TTC4: variants seen among roughly 807,000 people sequenced by gnomAD.
TTC4 encodes hsp70/Hsp90 co-chaperone CNS1 homolog.
TTC4 carries 36 observed loss-of-function variants against 51.9 expected under a neutral mutation model. The ratio of observed to expected loss-of-function variants is 0.69; its 90% CI spans 0.53 to 0.92. TTC4 has a LOEUF of 0.92. TTC4 is among the 40% of genes least tolerant of loss of function. The probability of loss-of-function intolerance (pLI) is 0.00; values close to 1 mark genes in which losing one functional copy is unlikely to be tolerated. For synonymous variants in TTC4, 144 were observed against 164.2 expected (o/e 0.88, Z 0.94); for missense variants, 399 against 454.6 (o/e 0.88, Z 1.11).
chr1:54,737,307 G>A, intron 8 of TTC4: 1 of 374,050 alleles, frequency 2.7e-6, no homozygotes, highest in South Asian at 3.1e-5. Context: ...CTGGCCTTGA[G>A]TCTTGATTCT....
chr1:54,730,654 C>CT (rs1482054140), intron 6 of TTC4, among the ~76,000 whole-genome samples: 2 of 152,188 alleles, frequency 1.3e-5, no homozygotes, highest in Non-Finnish European at 2.9e-5. Flanking sequence ...TTAGGCACCC[C>CT]TGCACACTTA....
chr1:54,726,361 A>G (rs958367187), intron 5 of TTC4, among the ~76,000 whole-genome samples: 3 of 152,242 alleles, frequency 2.0e-5, no homozygotes, highest in African/African-American at 7.2e-5. Flanking sequence ...TAGCAAATCT[A>G]TTCTTCAAAA....
intron 2 of TTC4, 123 bp downstream of exon 2, chr1:54,716,840 C>A: frequency 1.3e-6 from 1 of 745,924 alleles, no homozygotes; most frequent in Non-Finnish European, 2.1e-6. Flanking sequence ...TTATTCATTC[C>A]AATATACTTC....
At chr1:54,716,281 C>T (rs1486425530) in intron 1 of TTC4, 6 of 542,444 alleles carry the variant, frequency 1.1e-5, no homozygotes, top group Non-Finnish European at 2.0e-5. Context: ...GAGTCCGTTT[C>T]CTCATCTGTA....
At chr1:54,721,549 C>T (rs1645743731) in intron 4 of TTC4, among the ~76,000 whole-genome samples, 1 of 152,072 alleles carries the variant, frequency 6.6e-6, no homozygotes, top group South Asian at 2.1e-4. Flanking sequence ...CTTCAAATGC[C>T]ATGTTAATGT....
intron 6 of TTC4, among the ~76,000 whole-genome samples, chr1:54,731,134 G>T (rs544331294): frequency 9.1e-4 from 139 of 152,234 alleles, no homozygotes; most frequent in Non-Finnish European, 1.5e-3. Context: ...GAGTTAAGTG[G>T]TACCTACTAT....
At chr1:54,726,348 A>G (rs1456534786) in intron 5 of TTC4, among the ~76,000 whole-genome samples, 1 of 152,248 alleles carries the variant, frequency 6.6e-6, no homozygotes, top group Admixed American at 6.5e-5. Context: ...AGAATTCTAT[A>G]TCTAGCAAAT....
rs1257632460 is a variant in TTC4 at position 54,717,568 on chromosome 1, C to T, written c.306C>T (p.Tyr102=). The change falls in exon 3 of 10, where the codon TAC becomes TAT. Residue 102 remains tyrosine, a synonymous_variant. Coordinates refer to ENST00000371281, the MANE Select transcript of TTC4 (RefSeq NM_004623.5). ...ACTACAAGAAAGCTGTAATTTCATACACTGAAGGCTTAAAGAAGAAATGTG... is the reference window on the plus strand; with the variant it reads ...ACTACAAGAAAGCTGTAATTTCATATACTGAAGGCTTAAAGAAGAAATGTG... ...EKDYKKAVIS[Y]TEGLKKKCAD... 3 of 1,611,676 alleles carry T rather than the reference C, an allele frequency of 1.9e-6. No individual in the cohort carries two copies. Among genetic ancestry groups the T allele is most frequent in the South Asian group, 2.2e-5 (2 of 90,406 alleles).
intron 5 of TTC4, 40 bp from the exon 6 acceptor site, chr1:54,728,306 C>T (rs1227948840): frequency 1.3e-6 from 2 of 1,575,604 alleles, no homozygotes; most frequent in Non-Finnish European, 1.7e-6. Context: ...GAAGAGGAAG[C>T]CAGGTCTCTA....
Position 54,741,455 on chromosome 1 carries a change from G to T in TTC4, c.1106G>T (p.Gly369Val), listed in dbSNP as rs776503826. 4 of 1,614,136 alleles carry T rather than the reference G, an allele frequency of 2.5e-6. No individual in the cohort carries two copies. The highest frequency in any genetic ancestry group is 3.4e-6 in the Non-Finnish European group (4 of 1,180,020). Residue 369 changes from glycine (G) to valine (V), a missense_variant, in exon 10 of 10, where the codon GGA becomes GTA. Coordinates refer to ENST00000371281, the MANE Select transcript of TTC4 (RefSeq NM_004623.5). ...ALTPAFLVCVGSSPFCKNFLR... is the reference protein window; with the variant it reads ...ALTPAFLVCVVSSPFCKNFLR... ...ACACCAGCATTTTTGGTCTGTGTAG[G>T]ATCCTCTCCTTTTTGCAAGAATTTT... is the stretch of plus-strand genomic sequence containing the variant.
At chr1:54,729,734 T>C (rs1437507500) in intron 6 of TTC4, among the ~76,000 whole-genome samples, 1 of 151,820 alleles carries the variant, frequency 6.6e-6, no homozygotes, top group Non-Finnish European at 1.5e-5. Flanking sequence ...TAGGTTTTTT[T>C]TTTTTTTGAG....
chr1:54,736,528 G>T (rs937653424), intron 8 of TTC4, among the ~76,000 whole-genome samples: 3 of 151,826 alleles, frequency 2.0e-5, no homozygotes, highest in Non-Finnish European at 4.4e-5. Context: ...TTGCCACCGT[G>T]CCCAACTAAT....
At chr1:54,716,957 A>C (rs1645684318) in intron 2 of TTC4, among the ~76,000 whole-genome samples, 1 of 152,222 alleles carries the variant, frequency 6.6e-6, no homozygotes, top group African/African-American at 2.4e-5. Flanking sequence ...TTAAAGAATC[A>C]AGACAAACTT....
chr1:54,741,378 T>TC (rs757035442), intron 9 of TTC4, 33 bp from the exon 10 acceptor site: 143 of 1,561,152 alleles, frequency 9.2e-5, no homozygotes, highest in Non-Finnish European at 1.2e-4. Context: ...TGTAATTAAA[T>TC]TAACACCCTC....
chr1:54,733,261 A>G (rs1440429527), intron 7 of TTC4, among the ~76,000 whole-genome samples: 3 of 151,676 alleles, frequency 2.0e-5, no homozygotes, highest in Non-Finnish European at 2.9e-5. Flanking sequence ...CTACAAAAAA[A>G]AGAAAAAAAT....
rs1557753147 is a variant in TTC4, at chr1:54,736,253, G to T, written c.979-1329G>T. Among the ~76,000 whole-genome samples, 830 of 125,096 alleles carry T rather than the reference G, an allele frequency of 6.6e-3. 69 individuals are homozygous for T. Among genetic ancestry groups the T allele is most frequent in the African/African-American group, 0.027 (720 of 26,528 alleles). The allele number at this position is 125,096 out of a possible 152,430, so 82.1% of individuals were successfully genotyped here. On this transcript the variant is annotated intron_variant, in intron 8 of 9. Transcript: ENST00000371281. ...GAGAGGAGAGAGAAGAGAGGAGAGAGGAGAGAGAGAGAGAGAGACCATGAA... is the reference window on the plus strand; with the variant it reads ...GAGAGGAGAGAGAAGAGAGGAGAGATGAGAGAGAGAGAGAGAGACCATGAA...
chr1:54,721,347 C>T (rs1044787141), intron 4 of TTC4, 107 bp downstream of exon 4: 2 of 988,452 alleles, frequency 2.0e-6, no homozygotes, highest in Non-Finnish European at 3.0e-6. Context: ...AGTTCCTGTT[C>T]CTTATCAACA....
chr1:54,729,272 A>T (rs146728566), intron 6 of TTC4, among the ~76,000 whole-genome samples: 48 of 152,322 alleles, frequency 3.2e-4, no homozygotes, highest in Middle Eastern at 3.4e-3. Context: ...TTTTCATTTA[A>T]TATTTTCAGA....
At chr1:54,741,389 T>G in intron 9 of TTC4, 22 bp from the exon 10 acceptor site, 1 of 1,589,602 alleles carries the variant, frequency 6.3e-7, no homozygotes, top group Non-Finnish European at 8.6e-7. Flanking sequence ...TAACACCCTC[T>G]CTTTTGTTGT....
Sources: gnomAD v4.1 joint callset for allele counts (sites outside exome capture counted in the v4.1 genomes callset) on GRCh38, gnomAD v4.1.1 for gene constraint, MANE v1.5 for transcripts, NCBI Gene and HGNC (gene_info 2026-07-23, HGNC 2026-07-21) for gene names.